Variants in PRELID2 observed in about 807,000 individuals in gnomAD.
PRELID2 encodes PRELI domain-containing protein 2.
A neutral mutation model predicts 28.4 loss-of-function variants in PRELID2; 25 were observed. The ratio of observed to expected loss-of-function variants is 0.88; its 90% CI spans 0.64 to 1.23. PRELID2 has a LOEUF of 1.23. PRELID2 is among the 50% of genes most tolerant of loss of function. PRELID2 has a pLI of 0.00. For missense variants in PRELID2, 201 were observed against 214.4 expected (o/e 0.94, Z 0.39); for synonymous variants, 76 against 71.6 (o/e 1.06, Z -0.31).
the PRELID2 span, among the ~76,000 whole-genome samples, chr5:145,323,015 A>G: frequency 6.6e-6 from 1 of 152,160 alleles, no homozygotes; most frequent in African/African-American, 2.4e-5. Flanking sequence ...AAACGAATAA[A>G]TACAAAATTA....
At chr5:145,637,810 C>CT (rs547110066) in intron 1 of PRELID2, among the ~76,000 whole-genome samples, 11,937 of 130,694 alleles carry the variant, frequency 0.091, 755 homozygotes, top group African/African-American at 0.17. Context: ...CAAAACCATT[C>CT]TTTTTTTTTT....
the PRELID2 span, among the ~76,000 whole-genome samples, chr5:145,330,264 G>A: frequency 6.6e-6 from 1 of 152,168 alleles, no homozygotes; most frequent in African/African-American, 2.4e-5. Context: ...CCAGGTTTTG[G>A]TATCAGGATG....
chr5:145,654,888 A>C (rs1754366331), intron 1 of PRELID2, among the ~76,000 whole-genome samples: 1 of 152,106 alleles, frequency 6.6e-6, no homozygotes, highest in Non-Finnish European at 1.5e-5. Context: ...AGTGTTGGAA[A>C]TTCTGGCCAG....
chr5:145,640,630 C>A (rs1253050192), intron 1 of PRELID2, among the ~76,000 whole-genome samples: 5 of 139,694 alleles, frequency 3.6e-5, no homozygotes, highest in African/African-American at 8.1e-5. Flanking sequence ...GGCTACAGAG[C>A]GAGACTCTGT....
intron 1 of PRELID2, among the ~76,000 whole-genome samples, chr5:145,613,257 TGCTG>T (rs1451001520): frequency 6.6e-6 from 1 of 152,184 alleles, no homozygotes; most frequent in African/African-American, 2.4e-5. Flanking sequence ...TTCATATGTT[TGCTG>T]GCTATTTGTA....
the PRELID2 span, among the ~76,000 whole-genome samples, chr5:145,457,294 G>A: frequency 6.6e-5 from 10 of 152,152 alleles, no homozygotes; most frequent in Admixed American, 2.6e-4. Flanking sequence ...CAGAGTCGCT[G>A]TGAGGACTAA....
At chr5:145,453,834 ATGCCAC>A in the PRELID2 span, among the ~76,000 whole-genome samples, 1 of 152,156 alleles carries the variant, frequency 6.6e-6, no homozygotes, top group South Asian at 2.1e-4. Flanking sequence ...TGGTGTATAT[ATGCCAC>A]ATTTTCTTTA....
chr5:145,280,238 C>T, the PRELID2 span, among the ~76,000 whole-genome samples: 3 of 152,070 alleles, frequency 2.0e-5, no homozygotes, highest in African/African-American at 7.2e-5. Context: ...TTATAAAAAC[C>T]TCACACATTT....
chr5:145,825,224 T>TCAAAAAACAAAAAA (rs1561654780), intron 1 of PRELID2, among the ~76,000 whole-genome samples: 1 of 13,120 alleles, frequency 7.6e-5, no homozygotes, highest in African/African-American at 1.6e-4. Flanking sequence ...AGACTCTGTC[T>TCAAAAAACAAAAAA]CAAAAAAAAA....
intron 4 of PRELID2, among the ~76,000 whole-genome samples, chr5:145,812,961 C>T (rs368980454): frequency 7.9e-5 from 12 of 152,278 alleles, no homozygotes; most frequent in African/African-American, 2.9e-4. Flanking sequence ...CAAGAAGATG[C>T]CACGACTGTA....
chr5:145,296,791 A>T, the PRELID2 span, among the ~76,000 whole-genome samples: 2 of 152,130 alleles, frequency 1.3e-5, no homozygotes, highest in Non-Finnish European at 2.9e-5. Context: ...GGGTTGAACT[A>T]GTTTACAGTC....
At chr5:145,411,554 C>A in the PRELID2 span, among the ~76,000 whole-genome samples, 1 of 152,210 alleles carries the variant, frequency 6.6e-6, no homozygotes, top group Admixed American at 6.5e-5. Flanking sequence ...TGAGTACAAC[C>A]CCCCTACCAG....
At chr5:145,299,900 C>G in the PRELID2 span, among the ~76,000 whole-genome samples, 1 of 152,096 alleles carries the variant, frequency 6.6e-6, no homozygotes, top group African/African-American at 2.4e-5. Flanking sequence ...ATGGGAAAGA[C>G]AGGATAGATA....
At chr5:145,246,794 CT>C in the PRELID2 span, among the ~76,000 whole-genome samples, 12,707 of 152,160 alleles carry the variant, frequency 0.084, 1,161 homozygotes, top group African/African-American at 0.23. Flanking sequence ...TGCTTCTAAC[CT>C]TTAATCTGTC....
chr5:145,709,990 T>C (rs1475822692), intron 1 of PRELID2, among the ~76,000 whole-genome samples: 1 of 152,182 alleles, frequency 6.6e-6, no homozygotes, highest in Non-Finnish European at 1.5e-5. Context: ...AATCTATTTA[T>C]GGGGTTTTTT....
chr5:145,450,528 T>C, the PRELID2 span: 1 of 152,222 alleles, frequency 6.6e-6, no homozygotes, highest in Non-Finnish European at 1.5e-5. Context: ...TAGGGAACTC[T>C]AAAGGAAACA....
chr5:145,518,220 G>A (rs1033449311), intron 1 of PRELID2, among the ~76,000 whole-genome samples: 3 of 151,692 alleles, frequency 2.0e-5, no homozygotes, highest in Non-Finnish European at 4.4e-5. Context: ...GTGTGTTTGA[G>A]ACAGAGTCTC....
At chr5:145,491,873 C>T (rs913690300) in intron 1 of PRELID2, among the ~76,000 whole-genome samples, 2 of 152,096 alleles carry the variant, frequency 1.3e-5, no homozygotes, top group Admixed American at 6.6e-5. Flanking sequence ...CAATGACAGG[C>T]TTTCTTTCTT....
the PRELID2 span, among the ~76,000 whole-genome samples, chr5:145,391,894 A>G: frequency 1.3e-5 from 2 of 152,156 alleles, no homozygotes; most frequent in African/African-American, 2.4e-5. Flanking sequence ...TCTTTGCTCA[A>G]GTTCCCAAGA....
Sources: allele counts gnomAD v4.1 joint callset (sites outside exome capture counted in the v4.1 genomes callset), GRCh38; gene constraint gnomAD v4.1.1; transcripts MANE v1.5; gene names NCBI Gene and HGNC (gene_info 2026-07-23, HGNC 2026-07-21).